The following ATP2C1 variants were observed in gnomAD, a reference collection of about 807,000 sequenced individuals.
The protein encoded by ATP2C1 is ATPase secretory pathway Ca2+ transporting 1.
ATP2C1 carries 31 observed loss-of-function variants against 120.5 expected under a neutral mutation model. The ratio of observed to expected loss-of-function variants is 0.26; its 90% confidence interval spans 0.19 to 0.35. ATP2C1 has a LOEUF of 0.35. Among genes scored for constraint, ATP2C1 ranks in the 10% least tolerant of loss-of-function variants. The pLI is 1.00. For synonymous variants in ATP2C1, 351 were observed against 358.7 expected (o/e 0.98, Z 0.24); for missense variants, 731 against 1,107.5 (o/e 0.66, Z 4.83).
intron 1 of ATP2C1, among the ~76,000 whole-genome samples, chr3:130,878,764 G>A (rs1467240203): frequency 6.6e-6 from 1 of 152,140 alleles, no homozygotes; most frequent in Non-Finnish European, 1.5e-5. Flanking sequence ...TTCTGATGGG[G>A]ATTCCTTTAG....
chr3:131,011,380 C>T (rs917149262), intron 26 of ATP2C1, among the ~76,000 whole-genome samples: 2 of 152,222 alleles, frequency 1.3e-5, no homozygotes, highest in African/African-American at 4.8e-5. Flanking sequence ...TTCATCTTAG[C>T]TGCCCAGAGT....
At chr3:130,932,185 T>C (rs781505978) in intron 4 of ATP2C1, 47 bp downstream of exon 4, 1 of 1,130,410 alleles carries the variant, frequency 8.8e-7, no homozygotes, top group Non-Finnish European at 1.4e-6. Context: ...TATTAATACA[T>C]GGACTTCTGT....
rs754534359 is a variant in ATP2C1, at chr3:130,997,628, A to G, written c.2266A>G (p.Lys756Glu). Residue 756 changes from lysine (K) to glutamate (E), a missense_variant, in exon 25 of 28, where the codon AAA becomes GAA. Transcript: ENST00000510168. ...AQSLGVEPVDKDVIRKPPRNW... is the reference protein window; with the variant it reads ...AQSLGVEPVDEDVIRKPPRNW... ...AAGCCTTGGAGTAGAACCAGTGGAT[A>G]AAGATGTCATTCGTAAACCTCCTCG... The G allele has an allele frequency of 6.2e-7, 1 of 1,613,588 alleles. No individual in the cohort carries two copies. Among genetic ancestry groups the G allele is most frequent in the Admixed American group, 1.7e-5 (1 of 60,022 alleles).
At chr3:130,858,218 C>G (rs773365471) in intron 1 of ATP2C1, among the ~76,000 whole-genome samples, 1 of 152,086 alleles carries the variant, frequency 6.6e-6, no homozygotes, top group Non-Finnish European at 1.5e-5. Flanking sequence ...TCCCCTTTGG[C>G]AATACCCTCA....
At chr3:131,016,092 G>GT in intron 26 of ATP2C1, 1 of 1,562,952 alleles carries the variant, frequency 6.4e-7, no homozygotes, top group Non-Finnish European at 8.7e-7. Context: ...TGAAAATACT[G>GT]TATTTACTTT....
intron 1 of ATP2C1, among the ~76,000 whole-genome samples, chr3:130,864,145 G>A (rs1487993096): frequency 6.6e-6 from 1 of 152,180 alleles, no homozygotes; most frequent in South Asian, 2.1e-4. Context: ...TGGACAATAA[G>A]GTCCAGGCTG....
At chr3:131,006,562 A>G (rs959508182), downstream of ATP2C1, among the ~76,000 whole-genome samples, 2 of 152,142 alleles carry the variant, frequency 1.3e-5, no homozygotes, top group African/African-American at 4.8e-5. Flanking sequence ...GTTGAGAATC[A>G]GAGCTTTTAC....
intron 2 of ATP2C1, among the ~76,000 whole-genome samples, chr3:130,904,673 C>A (rs1408661708): frequency 6.6e-6 from 1 of 151,954 alleles, no homozygotes; most frequent in Non-Finnish European, 1.5e-5. Context: ...TTATCATGGG[C>A]CAGTTTTGCA....
chr3:130,965,427 A>G (rs1165708852), intron 14 of ATP2C1, among the ~76,000 whole-genome samples: 3 of 151,790 alleles, frequency 2.0e-5, no homozygotes, highest in Admixed American at 2.0e-4. Flanking sequence ...TGATGCCCTC[A>G]CTCCATAAGC....
chr3:131,006,545 T>G (rs2063118283), downstream of ATP2C1, among the ~76,000 whole-genome samples: 1 of 152,178 alleles, frequency 6.6e-6, no homozygotes, highest in African/African-American at 2.4e-5. Flanking sequence ...TTTTTCTCTG[T>G]CCCAATGTTG....
intron 20 of ATP2C1, among the ~76,000 whole-genome samples, chr3:130,984,653 T>C (rs905007197): frequency 1.3e-5 from 2 of 152,188 alleles, no homozygotes; most frequent in African/African-American, 4.8e-5. Flanking sequence ...TAATCTCTAA[T>C]GTTGAAATCC....
chr3:130,953,665 G>C (rs1019004467), intron 8 of ATP2C1, among the ~76,000 whole-genome samples, 156 bp from the exon 9 acceptor site: 1 of 152,162 alleles, frequency 6.6e-6, no homozygotes, highest in East Asian at 1.9e-4. Context: ...AAATATGATT[G>C]TACTGATTCT....
chr3:130,862,039 T>A (rs1023118636), intron 1 of ATP2C1, among the ~76,000 whole-genome samples: 2 of 152,100 alleles, frequency 1.3e-5, no homozygotes, highest in Non-Finnish European at 2.9e-5. Flanking sequence ...AGTGGCGCCA[T>A]CTTGGCTCAC....
chr3:131,006,692 T>C (rs2063130508), downstream of ATP2C1, among the ~76,000 whole-genome samples: 1 of 151,522 alleles, frequency 6.6e-6, no homozygotes, highest in Non-Finnish European at 1.5e-5. Context: ...TTGTACACTT[T>C]TTTTTTTTTT....
intron 5 of ATP2C1, among the ~76,000 whole-genome samples, chr3:130,936,659 A>C (rs961406299): frequency 3.3e-5 from 5 of 151,670 alleles, no homozygotes; most frequent in African/African-American, 9.7e-5. Flanking sequence ...AAAAATACAA[A>C]AAAAAAAATT....
Position 131,002,883 on chromosome 3 carries a change from G to T in ATP2C1, c.*1533G>T, listed in dbSNP as rs182142799. The T allele has an allele frequency of 1.0e-6, 1 of 985,764 alleles. No individual in the cohort carries two copies. The highest frequency in any genetic ancestry group is 1.2e-6 in the Non-Finnish European group (1 of 829,890). 61.1% of individuals were successfully genotyped at this position (985,764 alleles called of 1,614,324 possible). A position where few individuals can be genotyped will look rare whatever the true frequency, so the allele number is the denominator to read the frequency against. ...AGTTTATTCTACTTAACCCTTTAAG[G>T]CTGAATTGTCAAATGTACATTGTTC... On this transcript the variant is annotated 3_prime_UTR_variant, in exon 28 of 28. Coordinates refer to ENST00000510168, the MANE Select transcript of ATP2C1 (RefSeq NM_001378687.1).
intron 2 of ATP2C1, among the ~76,000 whole-genome samples, chr3:130,921,811 A>G (rs1376627292): frequency 6.6e-6 from 1 of 152,108 alleles, no homozygotes; most frequent in Non-Finnish European, 1.5e-5. Flanking sequence ...CTGGTATGAA[A>G]CCCACTTGAT....
chr3:130,966,425 T>C (rs78337141), intron 14 of ATP2C1, among the ~76,000 whole-genome samples: 2 of 152,086 alleles, frequency 1.3e-5, no homozygotes, highest in Non-Finnish European at 2.9e-5. Context: ...AAACATTTTT[T>C]ATTTATTTTT....
intron 26 of ATP2C1, 76 bp from the exon 27 acceptor site, chr3:130,999,442 A>C (rs755284628): frequency 6.8e-7 from 1 of 1,473,790 alleles, no homozygotes; most frequent in Admixed American, 1.7e-5. Context: ...GCTTGTTAAA[A>C]ATTAGAAGTG....
Sources: gnomAD v4.1 joint callset for allele counts (sites outside exome capture counted in the v4.1 genomes callset) on GRCh38, gnomAD v4.1.1 for gene constraint, MANE v1.5 for transcripts, NCBI Gene and HGNC (gene_info 2026-07-23, HGNC 2026-07-21) for gene names.